AIM2: variants seen among roughly 807,000 people sequenced by gnomAD.
AIM2 encodes the protein absent in melanoma 2, also known as interferon-inducible protein AIM2.
AIM2 carries 30 observed loss-of-function variants against 27.7 expected under a neutral mutation model. That is an observed-to-expected ratio of 1.08 (90% CI 0.81 to 1.47). The LOEUF (loss-of-function observed/expected upper bound fraction) is 1.47. Ranked by LOEUF, AIM2 falls within the 40% of genes most tolerant of loss-of-function variation. The pLI is 0.00. For missense variants in AIM2, 358 were observed against 411.3 expected (o/e 0.87, Z 1.12); for synonymous variants, 141 against 145.3 (o/e 0.97, Z 0.21).
chr1:159,095,021 A>C (rs923577648), intron 1 of AIM2, among the ~76,000 whole-genome samples: 1 of 152,206 alleles, frequency 6.6e-6, no homozygotes, highest in Non-Finnish European at 1.5e-5. Context: ...TTACTGAAAA[A>C]AAATCCAGAA....
intron 1 of AIM2, among the ~76,000 whole-genome samples, chr1:159,075,906 T>G (rs900256852): frequency 1.3e-5 from 2 of 152,138 alleles, no homozygotes; most frequent in African/African-American, 4.8e-5. Context: ...CCCCCATCAG[T>G]AGAGTCAATG....
chr1:159,075,767 T>A (rs1656583260), intron 1 of AIM2, among the ~76,000 whole-genome samples: 1 of 152,190 alleles, frequency 6.6e-6, no homozygotes, highest in Non-Finnish European at 1.5e-5. Context: ...AAAAAAGATG[T>A]TTGACATTAT....
At chr1:159,099,877 G>A (rs141518606) in intron 1 of AIM2, among the ~76,000 whole-genome samples, 19 of 152,234 alleles carry the variant, frequency 1.2e-4, no homozygotes, top group African/African-American at 4.1e-4. Flanking sequence ...GTTTACATTT[G>A]CACATTGGCT....
intron 1 of AIM2, among the ~76,000 whole-genome samples, chr1:159,089,989 C>A (rs1439945514): frequency 6.6e-6 from 1 of 152,152 alleles, no homozygotes; most frequent in East Asian, 1.9e-4. Context: ...GAACTGCCTT[C>A]CCCAAGGTTG....
chr1:159,133,762 C>T (rs2102052561), intron 1 of AIM2, among the ~76,000 whole-genome samples: 2 of 152,340 alleles, frequency 1.3e-5, no homozygotes, highest in Middle Eastern at 6.8e-3. Context: ...CCCACTACTT[C>T]TCCGACTCCT....
intron 1 of AIM2, among the ~76,000 whole-genome samples, chr1:159,135,190 ATTAATGAT>A (rs1467182056): frequency 2.0e-5 from 3 of 152,242 alleles, no homozygotes; most frequent in African/African-American, 7.2e-5. Flanking sequence ...GAGTAAATGA[ATTAATGAT>A]TATTATTCAT....
In AIM2 at chr1:159,069,918, T is replaced by G. The variant is rs116158877; in HGVS notation, c.263-1217A>C. ...GGGACCCCATCCTGCCCTCTGAAGA[T>G]TCTCTGTACTGCAGCCATACTGGCC... On this transcript the variant is annotated intron_variant, in intron 2 of 5. Transcript: ENST00000368130. Among the ~76,000 whole-genome samples the G allele has an allele frequency of 6.6e-3, 1,006 of 152,314 alleles. 12 individuals are homozygous for G. The highest frequency in any genetic ancestry group is 0.023 in the African/African-American group (952 of 41,554).
chr1:159,134,829 T>G (rs1647983914), intron 1 of AIM2, among the ~76,000 whole-genome samples: 1 of 152,154 alleles, frequency 6.6e-6, no homozygotes, highest in Non-Finnish European at 1.5e-5. Flanking sequence ...AAGACTCTGT[T>G]GAAAAAAAGA....
downstream of AIM2, among the ~76,000 whole-genome samples, chr1:159,057,565 C>T (rs1655704391): frequency 6.6e-6 from 1 of 152,148 alleles, no homozygotes; most frequent in South Asian, 2.1e-4. Context: ...TTGCTCAGAA[C>T]TAGGATGCTG....
At chr1:159,087,301 T>C (rs1656937211) in intron 1 of AIM2, among the ~76,000 whole-genome samples, 1 of 148,202 alleles carries the variant, frequency 6.7e-6, no homozygotes, top group African/African-American at 2.4e-5. Flanking sequence ...ATGGTAAGGA[T>C]GATGGCAGTC....
At chr1:159,108,249 G>A (rs754699013) in intron 1 of AIM2, among the ~76,000 whole-genome samples, 10 of 151,914 alleles carry the variant, frequency 6.6e-5, no homozygotes, top group African/African-American at 9.7e-5. Context: ...ATGGAGGGAC[G>A]GTTTAACATA....
chr1:159,091,796 G>A (rs1031495360), intron 1 of AIM2, among the ~76,000 whole-genome samples: 3 of 152,182 alleles, frequency 2.0e-5, no homozygotes, highest in Admixed American at 2.0e-4. Flanking sequence ...TGGTGGCTTC[G>A]TCCCTCTCTA....
chr1:159,139,174 G>C (rs1452372543), intron 1 of AIM2, among the ~76,000 whole-genome samples: 1 of 152,186 alleles, frequency 6.6e-6, no homozygotes, highest in Non-Finnish European at 1.5e-5. Flanking sequence ...GAGTGGGGTA[G>C]CCAGGAGGAC....
At chr1:159,064,011 A>G (rs1247601553) in intron 4 of AIM2, among the ~76,000 whole-genome samples, 2 of 152,174 alleles carry the variant, frequency 1.3e-5, no homozygotes, top group Non-Finnish European at 2.9e-5. Context: ...CTTACTTTTT[A>G]AGAATATAGT....
chr1:159,078,074 C>A (rs1042765887), upstream of AIM2, among the ~76,000 whole-genome samples: 1 of 152,334 alleles, frequency 6.6e-6, no homozygotes, highest in African/African-American at 2.4e-5. Context: ...CTTTCTACTG[C>A]AAGGCTTGTT....
At chr1:159,110,176 T>C (rs1321855167) in intron 1 of AIM2, among the ~76,000 whole-genome samples, 1 of 151,990 alleles carries the variant, frequency 6.6e-6, no homozygotes, top group East Asian at 1.9e-4. Flanking sequence ...CATCAACCAA[T>C]GAGGATAAAG....
At chr1:159,075,739 C>A (rs1407726500) in intron 1 of AIM2, among the ~76,000 whole-genome samples, 1 of 152,000 alleles carries the variant, frequency 6.6e-6, no homozygotes, top group Non-Finnish European at 1.5e-5. Flanking sequence ...GCAATTTGCT[C>A]AAATATCCAA....
chr1:159,081,636 G>A (rs756543721), upstream of AIM2: 50 of 305,642 alleles, frequency 1.6e-4, no homozygotes, highest in Non-Finnish European at 2.9e-4. Flanking sequence ...CCATAACCTT[G>A]GTAACACATT....
chr1:159,109,263 C>G (rs901977882), intron 1 of AIM2, among the ~76,000 whole-genome samples: 2 of 152,116 alleles, frequency 1.3e-5, no homozygotes, highest in African/African-American at 2.4e-5. Context: ...CAAATACTTA[C>G]AGCCAACTGA....
Sources: allele counts gnomAD v4.1 joint callset (sites outside exome capture counted in the v4.1 genomes callset), GRCh38; gene constraint gnomAD v4.1.1; transcripts MANE v1.5; gene names NCBI Gene and HGNC (gene_info 2026-07-23, HGNC 2026-07-21).